The following IL7 variants were observed in gnomAD, a reference collection of about 807,000 sequenced individuals.
The protein encoded by IL7 is interleukin-7.
IL7 carries 3 observed loss-of-function variants against 21.6 expected under a neutral mutation model. The observed-to-expected ratio is 0.14, with a 90% CI of 0.06 to 0.36. The LOEUF is 0.36. Among genes scored for constraint, IL7 ranks in the 10% least tolerant of loss-of-function variants. IL7 has a pLI of 1.00. For missense variants in IL7, 175 were observed against 200.2 expected, an observed-to-expected ratio of 0.87 and a Z score of 0.76; for synonymous variants, 62 against 68.1, an observed-to-expected ratio of 0.91 and a Z score of 0.44.
chr8:78,762,741 T>G (rs1812620954), intron 2 of IL7, among the ~76,000 whole-genome samples: 1 of 152,102 alleles, frequency 6.6e-6, no homozygotes, highest in South Asian at 2.1e-4. Context: ...TTTTGAATTC[T>G]TTTTCAGGCT....
At chr8:78,765,162 C>T (rs943370451) in intron 2 of IL7, among the ~76,000 whole-genome samples, 2 of 152,186 alleles carry the variant, frequency 1.3e-5, no homozygotes, top group South Asian at 2.1e-4. Context: ...AGACCTTGAA[C>T]CTTTCACAAA....
chr8:78,774,424 T>C (rs959078214), intron 2 of IL7, among the ~76,000 whole-genome samples: 6 of 152,154 alleles, frequency 3.9e-5, no homozygotes, highest in Non-Finnish European at 5.9e-5. Context: ...CAAAAGTGTT[T>C]TGTACTAAAT....
At chr8:78,783,078 G>A (rs1813393930) in intron 2 of IL7, among the ~76,000 whole-genome samples, 1 of 152,138 alleles carries the variant, frequency 6.6e-6, no homozygotes, top group South Asian at 2.1e-4. Flanking sequence ...GATGGTTGCT[G>A]CCCCTTTTCT....
chr8:78,698,363 T>C (rs1186053571), intron 3 of IL7: 2 of 1,452,878 alleles, frequency 1.4e-6, no homozygotes, highest in African/African-American at 1.4e-5. Context: ...TGCTCTGTTT[T>C]ATGTAACCTT....
At chr8:78,760,381 C>A in intron 2 of IL7, 1 of 1,609,494 alleles carries the variant, frequency 6.2e-7, no homozygotes, top group Non-Finnish European at 8.5e-7. Context: ...TACACAGGAC[C>A]TTCAGCAATG....
intron 2 of IL7, among the ~76,000 whole-genome samples, chr8:78,757,196 C>A (rs1254338476): frequency 6.6e-6 from 1 of 151,596 alleles, no homozygotes; most frequent in Non-Finnish European, 1.5e-5. Flanking sequence ...GTACAGTTTC[C>A]AAAATTTCTC....
intron 2 of IL7, among the ~76,000 whole-genome samples, chr8:78,778,525 C>G (rs555384376): frequency 4.6e-5 from 7 of 152,170 alleles, no homozygotes; most frequent in Admixed American, 4.6e-4. Context: ...TTGTTTTTGT[C>G]AGGTTTGTCA....
chr8:78,801,738 G>T (rs1814067956), intron 1 of IL7, among the ~76,000 whole-genome samples: 1 of 152,122 alleles, frequency 6.6e-6, no homozygotes, highest in Non-Finnish European at 1.5e-5. Flanking sequence ...GAATCTACCT[G>T]GTCCTCCAAA....
chr8:78,801,850 G>T lies in IL7; in HGVS notation c.10+3063C>A, dbSNP rs532273556. ...ATAGGTTCCCAGCTCTCCCATTAAT[G>T]ATGTAGCTTGGTAGTTTGGTCCATA... On this transcript the variant is annotated intron_variant, in intron 1 of 5. Coordinates refer to ENST00000263851, the MANE Select transcript of IL7 (RefSeq NM_000880.4). 5.9e-5 allele frequency among the ~76,000 whole-genome samples: 9 copies of T among 152,244 alleles called. No homozygotes were observed. In the South Asian group the frequency reaches 8.3e-4, roughly 14 times the overall value.
chr8:78,730,311 C>T (rs1811402349), downstream of IL7, among the ~76,000 whole-genome samples: 1 of 151,894 alleles, frequency 6.6e-6, no homozygotes, highest in South Asian at 2.1e-4. Flanking sequence ...CTTTATGGGT[C>T]TATGACTGCA....
intron 2 of IL7, among the ~76,000 whole-genome samples, chr8:78,790,232 A>C (rs1479354411): frequency 1.3e-5 from 2 of 152,192 alleles, no homozygotes; most frequent in Admixed American, 1.3e-4. Context: ...CATTTCTAGC[A>C]GCCTTTATAT....
chr8:78,726,327 A>G (rs534195738), intron 3 of IL7, among the ~76,000 whole-genome samples: 8 of 152,112 alleles, frequency 5.3e-5, no homozygotes, highest in Non-Finnish European at 1.2e-4. Context: ...AGAGTATTTC[A>G]TGAAAAGGGT....
intron 2 of IL7, among the ~76,000 whole-genome samples, chr8:78,787,628 G>T (rs990606681): frequency 1.3e-5 from 2 of 151,996 alleles, no homozygotes; most frequent in African/African-American, 4.8e-5. Flanking sequence ...GTGCTCATTT[G>T]GTCTTCAAGT....
At chr8:78,756,336 TAAG>T (rs2130748572) in intron 2 of IL7, among the ~76,000 whole-genome samples, 1 of 152,092 alleles carries the variant, frequency 6.6e-6, no homozygotes, top group African/African-American at 2.4e-5. Context: ...TAGAATGAAT[TAAG>T]AAGAATTCTC....
chr8:78,752,196 T>A (rs556426807), intron 2 of IL7, among the ~76,000 whole-genome samples: 18 of 152,352 alleles, frequency 1.2e-4, no homozygotes, highest in African/African-American at 4.3e-4. Context: ...CTAAGTTAAT[T>A]CCATGTCTTA....
intron 1 of IL7, among the ~76,000 whole-genome samples, chr8:78,801,527 C>T (rs1187847680): frequency 8.2e-6 from 1 of 122,626 alleles, no homozygotes; most frequent in African/African-American, 3.1e-5. Flanking sequence ...TGAGCCATGG[C>T]CGTAAGCCAT....
intron 2 of IL7, among the ~76,000 whole-genome samples, chr8:78,786,322 A>T (rs1813508394): frequency 1.3e-5 from 2 of 152,218 alleles, no homozygotes; most frequent in East Asian, 1.9e-4. Flanking sequence ...GTGTCTAAAC[A>T]TATCTAAATA....
At chr8:78,698,890 G>C (rs1331744953) in intron 3 of IL7, among the ~76,000 whole-genome samples, 1 of 152,120 alleles carries the variant, frequency 6.6e-6, no homozygotes, top group Non-Finnish European at 1.5e-5. Flanking sequence ...ATAATCAAGA[G>C]AAAAGAAGAT....
At chr8:78,732,346 C>G (rs748393815), downstream of IL7, among the ~76,000 whole-genome samples, 6 of 152,150 alleles carry the variant, frequency 3.9e-5, no homozygotes, top group South Asian at 1.2e-3. Flanking sequence ...GGTGAAATGT[C>G]ATATGGGTCA....
Sources: allele counts gnomAD v4.1 joint callset (sites outside exome capture counted in the v4.1 genomes callset), GRCh38; gene constraint gnomAD v4.1.1; transcripts MANE v1.5; gene names NCBI Gene and HGNC (gene_info 2026-07-23, HGNC 2026-07-21).